Variants in METTL15 observed in about 807,000 individuals in gnomAD.
METTL15 encodes the protein 12S rRNA N(4)-cytidine methyltransferase METTL15.
METTL15 carries 34 observed loss-of-function variants against 38.3 expected under a neutral mutation model. That is an observed-to-expected ratio of 0.89 (90% CI 0.68 to 1.18). The LOEUF (loss-of-function observed/expected upper bound fraction) is 1.18, where lower values mean the gene tolerates loss of function less well. Ranked by LOEUF, METTL15 falls within the 50% of genes most tolerant of loss-of-function variation. METTL15 has a pLI of 0.00. For missense variants in METTL15, 438 were observed against 498.4 expected (o/e 0.88, Z 1.15); for synonymous variants, 162 against 170.9 (o/e 0.95, Z 0.41).
chr11:28,159,447 G>GA (rs374984461), intron 3 of METTL15, among the ~76,000 whole-genome samples: 2,457 of 139,142 alleles, frequency 0.018, 39 homozygotes, highest in South Asian at 0.075. Context: ...ACTCCACCAG[G>GA]AAAAAAAAAA....
chr11:28,290,343 G>A lies in METTL15; in HGVS notation c.545G>A (p.Arg182Lys). 10 of 1,613,432 alleles carry A rather than the reference G, an allele frequency of 6.2e-6. No individual in the cohort carries two copies. The highest frequency in any genetic ancestry group is 7.6e-6 in the Non-Finnish European group (9 of 1,179,610). Residue 182 changes from arginine (R) to lysine (K), a missense_variant, in exon 5 of 7, where the codon AGA becomes AAA. By Grantham distance (26) the Arg-to-Lys change is conservative. Transcript: ENST00000407364. ...TCCATGCAACTTGATACTCCTGAAA[G>A]AGGTTTTTCCCTTCGGAAAGATGGC... ...CSSMQLDTPE[R>K]GFSLRKDGPL...
intron 6 of METTL15, among the ~76,000 whole-genome samples, chr11:28,474,992 C>T: frequency 6.6e-6 from 1 of 152,016 alleles, no homozygotes; most frequent in East Asian, 1.9e-4. Context: ...GGTCCTCAAT[C>T]CTCTCTCTCT....
At chr11:28,287,523 G>T in intron 4 of METTL15, 1 of 342,566 alleles carries the variant, frequency 2.9e-6, no homozygotes, top group South Asian at 2.6e-5. Flanking sequence ...TGAGAAACCG[G>T]ACAATAACTT....
At chr11:28,394,756 A>T (rs1850550991) in intron 5 of METTL15, among the ~76,000 whole-genome samples, 1 of 152,098 alleles carries the variant, frequency 6.6e-6, no homozygotes, top group African/African-American at 2.4e-5. Context: ...GACTTTTCCA[A>T]CAAAATCCTT....
At chr11:28,112,335 A>C (rs1266874357) in intron 2 of METTL15, among the ~76,000 whole-genome samples, 1 of 152,176 alleles carries the variant, frequency 6.6e-6, no homozygotes, top group Non-Finnish European at 1.5e-5. Flanking sequence ...ACTGATGTGC[A>C]TCTTATTTTG....
intron 5 of METTL15, among the ~76,000 whole-genome samples, chr11:28,365,561 CTTT>C (rs576953048): frequency 1.3e-5 from 2 of 151,270 alleles, no homozygotes; most frequent in Non-Finnish European, 2.9e-5. Context: ...AATCTTCTCT[CTTT>C]TTTTTTCTTT....
chr11:28,144,178 C>T (rs991838818), intron 3 of METTL15, among the ~76,000 whole-genome samples: 87 of 152,196 alleles, frequency 5.7e-4, no homozygotes, highest in African/African-American at 2.0e-3. Flanking sequence ...CAGGTATTCT[C>T]GTTTGGCTCA....
At position 28,245,999 on chromosome 11, in the gene METTL15, CAGTA is replaced by C. The variant is rs58397668; in HGVS notation, c.407+34810_407+34813del. Among the ~76,000 whole-genome samples the C allele has an allele frequency of 8.6e-5, 13 of 152,028 alleles. No homozygotes were observed. In the East Asian group the frequency reaches 1.9e-3, roughly 23 times the overall value. On this transcript the variant is annotated intron_variant, in intron 4 of 6. Coordinates refer to ENST00000407364, the MANE Select transcript of METTL15 (RefSeq NM_001113528.2). ...GTGGGGACATAGAGCCAAACCAAATCAGTAAGTAAGTATGATTATTTGAGAATAA... is the reference window on the plus strand; with the variant it reads ...GTGGGGACATAGAGCCAAACCAAATCAGTAAGTATGATTATTTGAGAATAA...
At chr11:28,168,952 C>T (rs191063983) in intron 3 of METTL15, among the ~76,000 whole-genome samples, 1 of 152,156 alleles carries the variant, frequency 6.6e-6, no homozygotes, top group Non-Finnish European at 1.5e-5. Flanking sequence ...ATTAGAATGA[C>T]CTTTGGGCCA....
chr11:28,391,431 T>G (rs1850506394), intron 5 of METTL15, among the ~76,000 whole-genome samples: 1 of 152,154 alleles, frequency 6.6e-6, no homozygotes. Flanking sequence ...TGAGAGTTTT[T>G]AGCATGAAGC....
chr11:28,174,456 T>A (rs1354333863), intron 3 of METTL15, among the ~76,000 whole-genome samples: 1 of 152,188 alleles, frequency 6.6e-6, no homozygotes, highest in Non-Finnish European at 1.5e-5. Flanking sequence ...TTATTTCAAA[T>A]TTATTATAAT....
chr11:28,371,937 A>C (rs999382724), intron 5 of METTL15, among the ~76,000 whole-genome samples: 1 of 152,078 alleles, frequency 6.6e-6, no homozygotes, highest in African/African-American at 2.4e-5. Flanking sequence ...TTTTCATATA[A>C]GGATAATTGA....
At chr11:28,430,823 C>T (rs1160789275) in intron 6 of METTL15, among the ~76,000 whole-genome samples, 10 of 93,954 alleles carry the variant, frequency 1.1e-4, no homozygotes, top group African/African-American at 3.0e-4. Context: ...CCCCTCTGCC[C>T]GGCCAGCCGC....
chr11:28,333,207 T>C lies in METTL15; in HGVS notation c.*2366T>C, dbSNP rs938152736. On this transcript the variant is annotated 3_prime_UTR_variant, in exon 7 of 7. Transcript: ENST00000407364. Reference sequence around the variant, plus strand: ...TGTTACAGCAATCCTAGGAAGCTAATACTCTGACAGAAAAAAATCTTGGAT... The same window carrying C: ...TGTTACAGCAATCCTAGGAAGCTAACACTCTGACAGAAAAAAATCTTGGAT... The C allele has an allele frequency of 4.6e-5, 7 of 151,982 alleles. No individual in the cohort carries two copies. Among genetic ancestry groups the C allele is most frequent in the African/African-American group, 7.3e-5 (3 of 41,346 alleles). The allele number at this position is 151,982 out of a possible 1,614,324, so 9.4% of individuals were successfully genotyped here. A position where few individuals can be genotyped will look rare whatever the true frequency, so the allele number is the denominator to read the frequency against.
chr11:28,530,459 C>G (rs12790029), downstream of METTL15, among the ~76,000 whole-genome samples: 60,481 of 151,866 alleles, frequency 0.4, 13,769 homozygotes, highest in Admixed American at 0.52. Flanking sequence ...TTTAAATTAC[C>G]AAATTGGCAA....
chr11:28,427,669 C>T (rs1399928581), intron 6 of METTL15, among the ~76,000 whole-genome samples: 1 of 152,050 alleles, frequency 6.6e-6, no homozygotes. Context: ...AGCTGTATTC[C>T]TAGGTATTTT....
intron 3 of METTL15, among the ~76,000 whole-genome samples, chr11:28,186,936 C>T (rs1219150090): frequency 6.6e-6 from 1 of 150,922 alleles, no homozygotes; most frequent in East Asian, 1.9e-4. Flanking sequence ...AAACACATAC[C>T]TTCATTTCCT....
intron 3 of METTL15, among the ~76,000 whole-genome samples, chr11:28,157,427 T>G (rs1850300577): frequency 6.6e-6 from 1 of 152,190 alleles, no homozygotes; most frequent in African/African-American, 2.4e-5. Context: ...GGATGCTCTT[T>G]GGAGCCTTTG....
At chr11:28,171,146 A>G (rs1285669365) in intron 3 of METTL15, among the ~76,000 whole-genome samples, 1 of 152,130 alleles carries the variant, frequency 6.6e-6, no homozygotes, top group African/African-American at 2.4e-5. Flanking sequence ...GTTCTTGGGA[A>G]TTTATACCTT....
Sources: allele counts gnomAD v4.1 joint callset (sites outside exome capture counted in the v4.1 genomes callset), GRCh38; gene constraint gnomAD v4.1.1; transcripts MANE v1.5; gene names NCBI Gene and HGNC (gene_info 2026-07-23, HGNC 2026-07-21).